The following KCNH1 variants were observed in gnomAD, a reference collection of about 807,000 sequenced individuals.
KCNH1 encodes voltage-gated delayed rectifier potassium channel KCNH1.
Under a neutral mutation model 69.2 loss-of-function variants are expected in KCNH1, and 27 were observed. The ratio of observed to expected loss-of-function variants is 0.39; its 90% CI spans 0.29 to 0.54. KCNH1 has a LOEUF of 0.54. KCNH1 is among the 20% of genes least tolerant of loss of function. The pLI is 0.68. For synonymous variants in KCNH1, 456 were observed against 487.7 expected (o/e 0.93, Z 0.86); for missense variants, 798 against 1,261.6 (o/e 0.63, Z 5.57).
At chr1:210,761,068 T>C (rs6540623) in intron 10 of KCNH1, among the ~76,000 whole-genome samples, 144,642 of 149,068 alleles carry the variant, frequency 0.97, 70,331 homozygotes, top group South Asian at 1. Context: ...CCGGCTAAAA[T>C]GGTGAAACCC....
chr1:210,770,519 A>C (rs999082045), intron 10 of KCNH1, among the ~76,000 whole-genome samples: 6 of 152,232 alleles, frequency 3.9e-5, no homozygotes, highest in African/African-American at 1.2e-4. Context: ...TAGTCCTTAG[A>C]CTCAAAGCAT....
intron 7 of KCNH1, among the ~76,000 whole-genome samples, chr1:210,908,589 G>A (rs966366548): frequency 2.0e-5 from 3 of 152,132 alleles, no homozygotes; most frequent in Non-Finnish European, 4.4e-5. Context: ...CTGTCAGTAT[G>A]TTCTCTGTTA....
chr1:210,858,996 C>G, intron 7 of KCNH1: 1 of 340,804 alleles, frequency 2.9e-6, no homozygotes. Flanking sequence ...GGTTTCTTTT[C>G]CAGTGCCAGG....
At chr1:210,723,579 C>A (rs1553338312) in intron 10 of KCNH1, among the ~76,000 whole-genome samples, 2 of 152,168 alleles carry the variant, frequency 1.3e-5, no homozygotes, top group Non-Finnish European at 1.5e-5. Context: ...CAAAGAAAGA[C>A]CTTCTGATGA....
chr1:210,916,414 C>A (rs1002899326), intron 7 of KCNH1, among the ~76,000 whole-genome samples: 3 of 152,242 alleles, frequency 2.0e-5, no homozygotes, highest in African/African-American at 7.2e-5. Context: ...TGAGTCTGCA[C>A]CATAATCTTG....
chr1:210,733,946 GTC>G (rs746434038), intron 10 of KCNH1, among the ~76,000 whole-genome samples: 1,283 of 40,042 alleles, frequency 0.032, 22 homozygotes, highest in African/African-American at 0.12. Flanking sequence ...ATGTCTGTCT[GTC>G]TCACACACAC....
chr1:210,716,339 G>A (rs1682246586), intron 10 of KCNH1, among the ~76,000 whole-genome samples: 2 of 149,826 alleles, frequency 1.3e-5, no homozygotes, highest in Admixed American at 6.8e-5. Context: ...GGCTGAGGCA[G>A]GAGAATCACT....
At chr1:211,059,728 G>A (rs1481380856) in intron 5 of KCNH1, among the ~76,000 whole-genome samples, 1 of 151,886 alleles carries the variant, frequency 6.6e-6, no homozygotes, top group Non-Finnish European at 1.5e-5. Flanking sequence ...GGGCGACAGA[G>A]CGAGACTCCA....
intron 6 of KCNH1, among the ~76,000 whole-genome samples, chr1:210,941,157 G>A (rs548320736): frequency 1.7e-4 from 26 of 152,276 alleles, no homozygotes; most frequent in South Asian, 2.1e-4. Context: ...GTAAGGAAGC[G>A]GCTGGGTCTC....
chr1:210,958,185 T>TGGATA (rs1489344868), intron 6 of KCNH1, among the ~76,000 whole-genome samples: 1 of 152,200 alleles, frequency 6.6e-6, no homozygotes. Flanking sequence ...TTAGTTTGGC[T>TGGATA]GGATATGAAA....
chr1:210,730,387 G>C (rs1462296965), intron 10 of KCNH1, among the ~76,000 whole-genome samples: 1 of 152,090 alleles, frequency 6.6e-6, no homozygotes, highest in East Asian at 1.9e-4. Flanking sequence ...AAGAGCTCTT[G>C]ACAGGGGAGG....
chr1:210,832,065 T>C (rs1685172429), intron 7 of KCNH1, among the ~76,000 whole-genome samples: 1 of 152,174 alleles, frequency 6.6e-6, no homozygotes, highest in African/African-American at 2.4e-5. Context: ...TCATGACCTG[T>C]TTGCCAAAAA....
intron 7 of KCNH1, among the ~76,000 whole-genome samples, chr1:210,805,247 T>C (rs1574266899): frequency 6.6e-6 from 1 of 152,234 alleles, no homozygotes; most frequent in South Asian, 2.1e-4. Flanking sequence ...ATACCAGTAC[T>C]TAATAAATAT....
At chr1:211,081,234 T>C (rs1015348403) in intron 5 of KCNH1, among the ~76,000 whole-genome samples, 3 of 152,190 alleles carry the variant, frequency 2.0e-5, no homozygotes, top group African/African-American at 7.2e-5. Context: ...TCATCACTGG[T>C]CATTAGAGAA....
intron 5 of KCNH1, among the ~76,000 whole-genome samples, chr1:211,068,124 A>C (rs749945674): frequency 6.6e-6 from 1 of 152,232 alleles, no homozygotes; most frequent in Non-Finnish European, 1.5e-5. Flanking sequence ...ATTTAAATAC[A>C]AAATTGCTAT....
At chr1:210,781,001 C>T (rs1417282578) in intron 9 of KCNH1, among the ~76,000 whole-genome samples, 3 of 152,082 alleles carry the variant, frequency 2.0e-5, no homozygotes, top group East Asian at 1.9e-4. Context: ...GAGCCGAGAT[C>T]GCACCACTGC....
chr1:210,758,606 C>T (rs1418007450), intron 10 of KCNH1, among the ~76,000 whole-genome samples: 6 of 152,124 alleles, frequency 3.9e-5, no homozygotes, highest in African/African-American at 1.4e-4. Flanking sequence ...CCATCAAAGT[C>T]CCCACTGAGT....
chr1:210,840,628 G>A (rs1685386963), intron 7 of KCNH1, among the ~76,000 whole-genome samples: 1 of 152,142 alleles, frequency 6.6e-6, no homozygotes, highest in Admixed American at 6.5e-5. Flanking sequence ...AACACACTTC[G>A]AGCATTCTGC....
At chr1:210,712,310 C>G (rs1484815539) in intron 10 of KCNH1, among the ~76,000 whole-genome samples, 1 of 152,124 alleles carries the variant, frequency 6.6e-6, no homozygotes, top group East Asian at 1.9e-4. Context: ...GGTCATTGAG[C>G]CCATGTGTGA....
Sources: gnomAD v4.1 joint callset for allele counts (sites outside exome capture counted in the v4.1 genomes callset) on GRCh38, gnomAD v4.1.1 for gene constraint, MANE v1.5 for transcripts, NCBI Gene and HGNC (gene_info 2026-07-23, HGNC 2026-07-21) for gene names.